Variants in TDRD5 observed in about 807,000 individuals in gnomAD.
The protein encoded by TDRD5 is tudor domain-containing protein 5.
TDRD5 carries 41 observed loss-of-function variants against 120.6 expected under a neutral mutation model. The ratio of observed to expected loss-of-function variants is 0.34; its 90% CI spans 0.26 to 0.44. The LOEUF (loss-of-function observed/expected upper bound fraction) is 0.44. Among genes scored for constraint, TDRD5 ranks in the 20% least tolerant of loss-of-function variants. TDRD5 has a pLI of 1.00. For missense variants in TDRD5, 1,006 were observed against 1,221.2 expected (o/e 0.82, Z 2.63); for synonymous variants, 430 against 433.7 (o/e 0.99, Z 0.11).
chr1:179,687,401 T>C (rs1223792435), intron 17 of TDRD5, among the ~76,000 whole-genome samples: 2 of 152,258 alleles, frequency 1.3e-5, no homozygotes, highest in African/African-American at 4.8e-5. Flanking sequence ...CACTGTGGTC[T>C]GAGGCACAGT....
chr1:179,630,985 C>T, intron 7 of TDRD5, 65 bp downstream of exon 7: 4 of 1,443,534 alleles, frequency 2.8e-6, no homozygotes, highest in South Asian at 1.4e-5. Context: ...AAAGAGAAAA[C>T]ATGAAATAAT....
chr1:179,619,979 T>G (rs1676761348), intron 5 of TDRD5, among the ~76,000 whole-genome samples: 1 of 152,220 alleles, frequency 6.6e-6, no homozygotes, highest in African/African-American at 2.4e-5. Context: ...GTATCAATAT[T>G]GGATATTCTC....
chr1:179,633,730 A>T (rs1404166610), intron 7 of TDRD5, among the ~76,000 whole-genome samples: 2 of 152,162 alleles, frequency 1.3e-5, no homozygotes, highest in Non-Finnish European at 2.9e-5. Flanking sequence ...TAACTTGAAA[A>T]TTTCCTAAGA....
chr1:179,609,492 TCA>T (rs1385577175), intron 4 of TDRD5, among the ~76,000 whole-genome samples: 10 of 152,274 alleles, frequency 6.6e-5, no homozygotes, highest in African/African-American at 2.4e-4. Context: ...ATTTCAAATT[TCA>T]GATTTTTGGA....
intron 17 of TDRD5, among the ~76,000 whole-genome samples, chr1:179,685,267 G>C (rs925870561): frequency 3.3e-4 from 50 of 152,186 alleles, no homozygotes; most frequent in Non-Finnish European, 4.4e-4. Context: ...CATATGGCTA[G>C]CCAGTTTTCC....
Position 179,630,840 on chromosome 1 carries a change from G to C in TDRD5, c.1046G>C (p.Ser349Thr), listed in dbSNP as rs1677398670. The change falls in exon 7 of 18, where the codon AGT (serine) becomes ACT (threonine). Residue 349 changes from serine (S) to threonine (T), a missense_variant. Physicochemically the swap from Ser to Thr is moderately conservative, Grantham distance 58. This residue lies in a region of TDRD5 where 445 missense variants were observed against 515.5 expected (regional missense o/e 0.86). Transcript: ENST00000444136. The part of the protein sequence containing the change: ...LNVTELVGAL[S>T]DILHVEFRKG... ...GTGACAGAACTTGTTGGAGCTCTTA[G>C]TGACATTCTCCATGTTGAGTTCAGG... is the stretch of plus-strand genomic sequence containing the variant. The C allele has an allele frequency of 2.5e-6, 4 of 1,614,114 alleles. No individual in the cohort carries two copies. Among genetic ancestry groups the C allele is most frequent in the Non-Finnish European group, 2.5e-6 (3 of 1,179,996 alleles).
At position 179,663,391 on chromosome 1, in the gene TDRD5, G is replaced by C. The variant is rs148174218; in HGVS notation, c.2549G>C (p.Trp850Ser). 4.5e-5 allele frequency: 72 copies of C among 1,613,522 alleles called. No individual in the cohort carries two copies. In the African/African-American group the frequency reaches 9.2e-4, roughly 21 times the overall value. ...STPKDTWDDS[W>S]QPSGLVNGTK... The stretch of plus-strand genomic sequence containing the variant: ...CCTAAAGATACATGGGATGATTCTT[G>C]GCAGCCTTCAGGCCTTGTAAATGGA... The change falls in exon 16 of 18, where the codon TGG becomes TCG. Residue 850 changes from tryptophan (W) to serine (S), a missense_variant. Coordinates refer to ENST00000444136, the MANE Select transcript of TDRD5 (RefSeq NM_001199085.3).
At chr1:179,631,967 C>T (rs1439806510) in intron 7 of TDRD5, among the ~76,000 whole-genome samples, 3 of 147,472 alleles carry the variant, frequency 2.0e-5, no homozygotes, top group Admixed American at 7.0e-5. Flanking sequence ...AGTGCAGTGG[C>T]GTGATCTTGG....
chr1:179,688,376 A>G (rs1245958484), intron 17 of TDRD5, among the ~76,000 whole-genome samples: 1 of 144,606 alleles, frequency 6.9e-6, no homozygotes, highest in African/African-American at 2.4e-5. Flanking sequence ...ATTATCCCCC[A>G]CTCTCTTCTG....
chr1:179,592,929 A>G (rs1408780944), intron 2 of TDRD5, 82 bp downstream of exon 2: 10 of 1,354,716 alleles, frequency 7.4e-6, no homozygotes, highest in Non-Finnish European at 8.2e-6. Flanking sequence ...TTCTGCAGTT[A>G]TTATGCATCC....
At chr1:179,614,515 C>T (rs1676456994) in intron 4 of TDRD5, among the ~76,000 whole-genome samples, 2 of 152,058 alleles carry the variant, frequency 1.3e-5, no homozygotes, top group Non-Finnish European at 2.9e-5. Flanking sequence ...GAAGAGCCAT[C>T]ATTGATTGAA....
At chr1:179,638,398 A>C (rs1677883879) in intron 9 of TDRD5, among the ~76,000 whole-genome samples, 1 of 128,558 alleles carries the variant, frequency 7.8e-6, no homozygotes, top group African/African-American at 2.8e-5. Context: ...AAAACTTATT[A>C]GTAGAAGTTC....
chr1:179,623,831 G>A (rs1415649665), intron 6 of TDRD5, among the ~76,000 whole-genome samples: 3 of 151,492 alleles, frequency 2.0e-5, no homozygotes, highest in African/African-American at 7.3e-5. Flanking sequence ...TAGAGACAGG[G>A]TCTCACCATG....
At chr1:179,608,574 G>A (rs182907279) in intron 4 of TDRD5, among the ~76,000 whole-genome samples, 102 of 152,126 alleles carry the variant, frequency 6.7e-4, no homozygotes, top group Admixed American at 3.8e-3. Context: ...TCATTCAGAT[G>A]TTGCATTTTT....
At chr1:179,651,219 T>TA (rs2102062814) in intron 12 of TDRD5, 152 bp downstream of exon 12, 1 of 782,892 alleles carries the variant, frequency 1.3e-6, no homozygotes, top group East Asian at 2.7e-5. Context: ...AGAGCACTCT[T>TA]AATTTTCAGA....
intron 11 of TDRD5, among the ~76,000 whole-genome samples, chr1:179,648,330 A>G (rs1243063087): frequency 6.9e-6 from 1 of 145,246 alleles, no homozygotes; most frequent in Non-Finnish European, 1.5e-5. Flanking sequence ...CATCATTCTC[A>G]GTAAACTATC....
rs769115335 is a variant in TDRD5, at chr1:179,650,884, A to C, written c.1818A>C (p.Lys606Asn). ...TATTTCAGGAACACTGGACATCGAA[A>C]GCTATTTTGCAGTTCCAGAAGTTGT... ...VRPVEEHWTS[K>N]AILQFQKLCG... The change falls in exon 12 of 18, where the codon AAA becomes AAC. Residue 606 changes from lysine to asparagine, a missense_variant. Around this residue, in one of 3 missense-constraint regions of TDRD5, gnomAD observed 158 missense variants for 257.5 expected, o/e 0.61. Transcript: ENST00000444136. The C allele has an allele frequency of 2.8e-5, 46 of 1,614,150 alleles. 1 individual carries two copies. In the South Asian group the frequency reaches 4.9e-4, roughly 17 times the overall value.
intron 16 of TDRD5, 37 bp downstream of exon 16, chr1:179,663,528 A>C: frequency 6.4e-7 from 1 of 1,566,998 alleles, no homozygotes; most frequent in Non-Finnish European, 8.6e-7. Flanking sequence ...ACAGGTTTGC[A>C]TAAGGAAGTC....
chr1:179,662,403 C>A, intron 15 of TDRD5, 117 bp downstream of exon 15: 2 of 1,056,486 alleles, frequency 1.9e-6, no homozygotes, highest in Non-Finnish European at 2.6e-6. Context: ...GAGTTCATGA[C>A]CAGCCTGGGC....
Sources: gnomAD v4.1 joint callset for allele counts (sites outside exome capture counted in the v4.1 genomes callset) on GRCh38, gnomAD v4.1.1 for gene constraint, gnomAD v4.1.1 regional missense constraint, MANE v1.5 for transcripts, NCBI Gene and HGNC (gene_info 2026-07-23, HGNC 2026-07-21) for gene names.